The following KLHL32 variants were observed in gnomAD, a reference collection of about 807,000 sequenced individuals.
The protein encoded by KLHL32 is kelch-like protein 32.
In KLHL32, 35 loss-of-function variants were observed where a neutral mutation model predicts 64.8. The ratio of observed to expected loss-of-function variants is 0.54; its 90% confidence interval spans 0.41 to 0.72. The LOEUF (loss-of-function observed/expected upper bound fraction) is 0.72, where lower values mean the gene tolerates loss of function less well. KLHL32 is among the 30% of genes least tolerant of loss of function. The pLI is 0.00. For missense variants in KLHL32, 589 were observed against 768.5 expected (o/e 0.77, Z 2.76); for synonymous variants, 259 against 281.0 (o/e 0.92, Z 0.78).
intron 3 of KLHL32, among the ~76,000 whole-genome samples, chr6:97,033,135 C>T (rs541313513): frequency 1.3e-5 from 2 of 152,046 alleles, no homozygotes; most frequent in African/African-American, 4.8e-5. Flanking sequence ...CTTAATAGAC[C>T]GCAGTATAGT....
intron 5 of KLHL32, among the ~76,000 whole-genome samples, chr6:97,083,597 C>T (rs1792927167): frequency 1.3e-5 from 2 of 152,220 alleles, no homozygotes; most frequent in South Asian, 4.1e-4. Context: ...CTTTTTTCAA[C>T]ATATAAAAGA....
At chr6:97,103,488 C>T (rs971632988) in intron 6 of KLHL32, among the ~76,000 whole-genome samples, 3 of 152,228 alleles carry the variant, frequency 2.0e-5, no homozygotes, top group African/African-American at 7.2e-5. Context: ...GCTGGGATTA[C>T]AGGCGCCCAG....
At chr6:97,103,357 G>A (rs1795983481) in intron 6 of KLHL32, among the ~76,000 whole-genome samples, 1 of 151,928 alleles carries the variant, frequency 6.6e-6, no homozygotes, top group Non-Finnish European at 1.5e-5. Context: ...GGGACTATAG[G>A]CACCTGCCAT....
chr6:97,117,148 A>G (rs1466206611), intron 7 of KLHL32, among the ~76,000 whole-genome samples: 1 of 152,174 alleles, frequency 6.6e-6, no homozygotes, highest in Non-Finnish European at 1.5e-5. Context: ...AGATTTGCTA[A>G]TGGGCCCCTT....
chr6:97,139,865 G>A lies in KLHL32; in HGVS notation c.*583G>A, dbSNP rs1403036274. On this transcript the variant is annotated 3_prime_UTR_variant, in exon 11 of 11. Coordinates refer to ENST00000369261, the MANE Select transcript of KLHL32 (RefSeq NM_052904.4). The stretch of plus-strand genomic sequence containing the variant: ...TTGAAATACCCAGATTTTTCACCTT[G>A]GTTACTCTGACCTTGGGTCAGAACC... 1 of 152,042 alleles carries A rather than the reference G, an allele frequency of 6.6e-6. No individual in the cohort carries two copies. The highest frequency in any genetic ancestry group is 2.4e-5 in the African/African-American group (1 of 41,410). 9.4% of individuals were successfully genotyped at this position (152,042 alleles called of 1,614,324 possible).
intron 6 of KLHL32, among the ~76,000 whole-genome samples, chr6:97,097,861 G>A (rs986721000): frequency 6.6e-6 from 1 of 152,072 alleles, no homozygotes; most frequent in African/African-American, 2.4e-5. Flanking sequence ...GCCCTGTTTC[G>A]CACAGTAACC....
intron 6 of KLHL32, among the ~76,000 whole-genome samples, chr6:97,094,753 A>T (rs896621968): frequency 6.6e-6 from 1 of 152,198 alleles, no homozygotes; most frequent in East Asian, 1.9e-4. Context: ...AGGAAGAGTT[A>T]CAAGTCAGTA....
chr6:96,967,487 A>G (rs1261207706), intron 2 of KLHL32, among the ~76,000 whole-genome samples: 1 of 149,580 alleles, frequency 6.7e-6, no homozygotes, highest in Non-Finnish European at 1.5e-5. Flanking sequence ...AGAGAGAGAT[A>G]GGGATAGAGA....
chr6:97,070,654 T>A (rs1320353774), intron 5 of KLHL32, among the ~76,000 whole-genome samples: 1 of 152,198 alleles, frequency 6.6e-6, no homozygotes, highest in African/African-American at 2.4e-5. Flanking sequence ...TGAAAGAATA[T>A]CTCTTGAAAG....
chr6:97,123,288 G>C (rs896812495), intron 7 of KLHL32, among the ~76,000 whole-genome samples: 1 of 152,124 alleles, frequency 6.6e-6, no homozygotes, highest in Non-Finnish European at 1.5e-5. Flanking sequence ...CAGAGACAAA[G>C]GTTGCTTGTT....
At chr6:96,980,197 A>G (rs1195108503) in intron 3 of KLHL32, among the ~76,000 whole-genome samples, 9 of 152,142 alleles carry the variant, frequency 5.9e-5, no homozygotes, top group Non-Finnish European at 1.5e-5. Context: ...TTCCAGTACT[A>G]TGTTGAATAG....
chr6:97,030,848 A>G (rs558293698), intron 3 of KLHL32, among the ~76,000 whole-genome samples: 11 of 146,582 alleles, frequency 7.5e-5, no homozygotes, highest in Admixed American at 4.0e-4. Context: ...CTTTTTGTTT[A>G]TGACACTGTA....
At chr6:96,938,655 G>A (rs1392670432) in intron 1 of KLHL32, among the ~76,000 whole-genome samples, 2 of 152,124 alleles carry the variant, frequency 1.3e-5, no homozygotes, top group African/African-American at 2.4e-5. Flanking sequence ...AGCAGCAGGG[G>A]ATACATAGAT....
chr6:96,924,885 C>G lies in KLHL32; in HGVS notation c.-207C>G, dbSNP rs930804766. On this transcript the variant is annotated 5_prime_UTR_variant, in exon 1 of 11. Transcript: ENST00000369261. ...GACGCTCGTCTTCGCTACTGCATCC[C>G]CGAACCAGCAGAGCGAAGCTACTGC... 1 of 152,504 alleles carries G rather than the reference C, an allele frequency of 6.6e-6. No homozygotes were observed. 9.4% of individuals were successfully genotyped at this position (152,504 alleles called of 1,614,324 possible).
At chr6:96,950,876 A>G (rs1268710243) in intron 1 of KLHL32, among the ~76,000 whole-genome samples, 3 of 152,204 alleles carry the variant, frequency 2.0e-5, no homozygotes, top group Admixed American at 6.5e-5. Flanking sequence ...AGACATTCTT[A>G]TATCTGAGAG....
At chr6:97,046,572 G>T (rs147900113) in intron 4 of KLHL32, among the ~76,000 whole-genome samples, 2 of 152,264 alleles carry the variant, frequency 1.3e-5, no homozygotes, top group Non-Finnish European at 2.9e-5. Flanking sequence ...CAGAGTAGAA[G>T]TTGATACCTC....
intron 6 of KLHL32, among the ~76,000 whole-genome samples, chr6:97,092,954 T>C (rs1172868861): frequency 1.3e-5 from 2 of 152,132 alleles, no homozygotes; most frequent in Non-Finnish European, 2.9e-5. Context: ...AGTTAATAGT[T>C]TTTTTTCTTT....
intron 5 of KLHL32, among the ~76,000 whole-genome samples, chr6:97,069,766 G>A (rs1343242157): frequency 6.6e-6 from 1 of 151,938 alleles, no homozygotes; most frequent in African/African-American, 2.4e-5. Context: ...TATACTACCA[G>A]CCTTTCATTA....
Position 97,041,564 on chromosome 6 carries a change from T to C in KLHL32, c.277T>C (p.Leu93=), listed in dbSNP as rs144603903. The change falls in exon 4 of 11, where the codon TTA becomes CTA. Residue 93 remains leucine, a synonymous_variant. Transcript: ENST00000369261. The part of the protein sequence containing the change: ...VNLHGVTSLG[L]KQALEFAYTG... Reference sequence around the variant, plus strand: ...TTTGCACGGTGTGACCAGCCTTGGCTTAAAGCAGGCTCTGGAGTTTGCATA... The same window carrying C: ...TTTGCACGGTGTGACCAGCCTTGGCCTAAAGCAGGCTCTGGAGTTTGCATA... 1.2e-6 allele frequency: 2 copies of C among 1,613,574 alleles called. No homozygotes were observed. Among genetic ancestry groups the C allele is most frequent in the Non-Finnish European group, 8.5e-7 (1 of 1,179,642 alleles).
Sources: gnomAD v4.1 joint callset for allele counts (sites outside exome capture counted in the v4.1 genomes callset) on GRCh38, gnomAD v4.1.1 for gene constraint, MANE v1.5 for transcripts, NCBI Gene and HGNC (gene_info 2026-07-23, HGNC 2026-07-21) for gene names.